SEL1L2: variants seen among roughly 807,000 people sequenced by gnomAD.
SEL1L2 encodes the protein protein sel-1 homolog 2.
A neutral mutation model predicts 98.8 loss-of-function variants in SEL1L2; 89 were observed. The observed-to-expected ratio is 0.90, with a 90% CI of 0.76 to 1.07. SEL1L2 has a LOEUF of 1.07. SEL1L2 is among the 50% of genes least tolerant of loss of function. The pLI is 0.00. For synonymous variants in SEL1L2, 262 were observed against 278.5 expected, an observed-to-expected ratio of 0.94 and a Z score of 0.59; for missense variants, 788 against 812.0, an observed-to-expected ratio of 0.97 and a Z score of 0.36.
At chr20:13,991,593 T>C (rs560486313), upstream of SEL1L2, among the ~76,000 whole-genome samples, 2 of 152,350 alleles carry the variant, frequency 1.3e-5, no homozygotes, top group East Asian at 3.9e-4. Context: ...CAGTCATCAC[T>C]TGCCTTCTGT....
intron 12 of SEL1L2, among the ~76,000 whole-genome samples, chr20:13,871,742 C>A (rs2046206561): frequency 6.7e-6 from 1 of 149,848 alleles, no homozygotes; most frequent in South Asian, 2.2e-4. Flanking sequence ...AAACTCCTAG[C>A]CTCAAGTGAT....
intron 4 of SEL1L2, 37 bp from the exon 5 acceptor site, chr20:13,913,981 A>C: frequency 6.5e-7 from 1 of 1,530,552 alleles, no homozygotes; most frequent in Admixed American, 2.5e-5. Flanking sequence ...TGATTTTCAA[A>C]AATGAAATTT....
intron 1 of SEL1L2, among the ~76,000 whole-genome samples, chr20:13,971,610 T>C (rs1293167096): frequency 6.6e-6 from 1 of 151,098 alleles, no homozygotes; most frequent in African/African-American, 2.4e-5. Flanking sequence ...TTTTTTTGTA[T>C]TTTTAGTAGA....
upstream of SEL1L2, among the ~76,000 whole-genome samples, chr20:13,992,774 G>A (rs1197426150): frequency 2.0e-5 from 3 of 152,118 alleles, no homozygotes; most frequent in African/African-American, 7.2e-5. Flanking sequence ...AGGTTCTGGT[G>A]AGGGTCTTCT....
intron 4 of SEL1L2, chr20:13,915,355 A>G: frequency 1.3e-6 from 1 of 755,450 alleles, no homozygotes; most frequent in Non-Finnish European, 1.9e-6. Context: ...GAAATTCTGG[A>G]GGCGGGAAGG....
intron 1 of SEL1L2, among the ~76,000 whole-genome samples, chr20:13,984,605 C>A (rs2052054602): frequency 1.3e-5 from 2 of 152,164 alleles, no homozygotes; most frequent in African/African-American, 4.8e-5. Context: ...TACACTGTCA[C>A]CAGAGTTATA....
chr20:13,854,754 T>C (rs1988865666), intron 18 of SEL1L2, among the ~76,000 whole-genome samples: 1 of 152,140 alleles, frequency 6.6e-6, no homozygotes, highest in Non-Finnish European at 1.5e-5. Context: ...GTAGATATCT[T>C]TTAAATCTGG....
chr20:13,918,896 T>C (rs1289155980), intron 4 of SEL1L2, 125 bp downstream of exon 4: 3 of 639,048 alleles, frequency 4.7e-6, no homozygotes, highest in Non-Finnish European at 8.2e-6. Context: ...TTAAAAACAA[T>C]AGTTTATGGG....
intron 13 of SEL1L2, 53 bp from the exon 14 acceptor site, chr20:13,869,643 A>G (rs2046090682): frequency 7.3e-7 from 1 of 1,369,250 alleles, no homozygotes; most frequent in Non-Finnish European, 1.0e-6. Flanking sequence ...ACTCCATGGA[A>G]ACAATTGCCT....
At chr20:13,857,036 G>A (rs1424306305) in intron 18 of SEL1L2, among the ~76,000 whole-genome samples, 1 of 152,168 alleles carries the variant, frequency 6.6e-6, no homozygotes, top group African/African-American at 2.4e-5. Context: ...GAAGGTGATA[G>A]CACCTTGTAA....
Position 13,985,011 on chromosome 20 carries a change from G to A in SEL1L2, c.58+5466C>T, listed in dbSNP as rs565143266. On this transcript the variant is annotated intron_variant, in intron 1 of 19. Transcript: ENST00000284951. ...ATACAATAAATTGTTGTTAAATATA[G>A]TCACCCTATAGTGCTATAGAACCCT... is the stretch of plus-strand genomic sequence containing the variant. 2.6e-5 allele frequency among the ~76,000 whole-genome samples: 4 copies of A among 152,048 alleles called. No homozygotes were observed. The East Asian group carries it at 5.8e-4, about 22-fold the overall frequency.
At position 13,862,479 on chromosome 20, in the gene SEL1L2, A is replaced by C. The variant is rs1990287274; in HGVS notation, c.1645+2688T>G. 2.0e-5 allele frequency among the ~76,000 whole-genome samples: 3 copies of C among 151,982 alleles called. No individual in the cohort carries two copies. The South Asian group carries it at 6.2e-4, about 31-fold the overall frequency. The stretch of plus-strand genomic sequence containing the variant: ...CTGTATGAGCTCAGGTCTAGCATTA[A>C]GTGATATAGGACTCCTTCCAAAATT... On this transcript the variant is annotated intron_variant, in intron 17 of 19. Coordinates refer to ENST00000284951, the MANE Select transcript of SEL1L2 (RefSeq NM_025229.2).
At chr20:13,875,530 C>G (rs949263327) in intron 12 of SEL1L2, among the ~76,000 whole-genome samples, 1 of 152,242 alleles carries the variant, frequency 6.6e-6, no homozygotes, top group Admixed American at 6.5e-5. Flanking sequence ...GATTCTGTCT[C>G]CAGATCCCTA....
intron 5 of SEL1L2, among the ~76,000 whole-genome samples, chr20:13,896,036 G>T (rs193237108): frequency 1.3e-5 from 2 of 152,124 alleles, no homozygotes; most frequent in Middle Eastern, 3.2e-3. Context: ...TTAGGCAAGC[G>T]TGGTGGCAGG....
At chr20:13,882,878 G>A (rs1275991855) in intron 10 of SEL1L2, among the ~76,000 whole-genome samples, 2 of 147,176 alleles carry the variant, frequency 1.4e-5, no homozygotes, top group Admixed American at 6.8e-5. Flanking sequence ...GTGCAGTGGC[G>A]GGATCTCGGC....
At chr20:13,961,385 C>T (rs188456196) in intron 1 of SEL1L2, among the ~76,000 whole-genome samples, 1 of 152,306 alleles carries the variant, frequency 6.6e-6, no homozygotes, top group African/African-American at 2.4e-5. Context: ...TGATTTACTC[C>T]TCCCCTTCCA....
chr20:13,929,071 G>A (rs1423826383), intron 3 of SEL1L2, among the ~76,000 whole-genome samples: 1 of 152,094 alleles, frequency 6.6e-6, no homozygotes, highest in East Asian at 1.9e-4. Context: ...CCTTAAGAAT[G>A]GAACTGAGGC....
chr20:13,943,013 T>G (rs960745547), intron 2 of SEL1L2, among the ~76,000 whole-genome samples: 14 of 151,884 alleles, frequency 9.2e-5, no homozygotes, highest in Non-Finnish European at 2.9e-5. Flanking sequence ...AAAGCAAATA[T>G]GTTAGATGTA....
Position 13,865,302 on chromosome 20 carries a change from T to C in SEL1L2, c.1570+47A>G, listed in dbSNP as rs556980703. On this transcript the variant is annotated intron_variant, in intron 16 of 19. Coordinates refer to ENST00000284951, the MANE Select transcript of SEL1L2 (RefSeq NM_025229.2). ...AATGCCTCTGTAGTAAAGTCATACA[T>C]GCATATGTATGATTGGGGGATTGCA... The C allele has an allele frequency of 3.1e-6, 5 of 1,608,624 alleles. No individual in the cohort carries two copies. The Admixed American group carries it at 6.7e-5, about 21-fold the overall frequency.
Sources: allele counts gnomAD v4.1 joint callset (sites outside exome capture counted in the v4.1 genomes callset), GRCh38; gene constraint gnomAD v4.1.1; transcripts MANE v1.5; gene names NCBI Gene and HGNC (gene_info 2026-07-23, HGNC 2026-07-21).